The following STPG1 variants were observed in gnomAD, a reference collection of about 807,000 sequenced individuals.
STPG1 encodes O(6)-methylguanine-induced apoptosis 2.
Under a neutral mutation model 40.1 loss-of-function variants are expected in STPG1, and 33 were observed. The ratio of observed to expected loss-of-function variants is 0.82; its 90% CI spans 0.62 to 1.10. The LOEUF (loss-of-function observed/expected upper bound fraction) is 1.10. STPG1 is among the 50% of genes least tolerant of loss of function. The probability of loss-of-function intolerance (pLI) is 0.00; values close to 1 mark genes in which losing one functional copy is unlikely to be tolerated. For synonymous variants in STPG1, 150 were observed against 155.0 expected, an observed-to-expected ratio of 0.97 and a Z score of 0.24; for missense variants, 396 against 415.1, an observed-to-expected ratio of 0.95 and a Z score of 0.40.
intron 1 of STPG1, among the ~76,000 whole-genome samples, chr1:24,403,960 G>C (rs1643321852): frequency 6.6e-6 from 1 of 152,006 alleles, no homozygotes; most frequent in Non-Finnish European, 1.5e-5. Flanking sequence ...ATACTGCAAT[G>C]ACTAGGGCAT....
intron 7 of STPG1, among the ~76,000 whole-genome samples, chr1:24,368,186 C>G (rs1028980729): frequency 2.0e-5 from 3 of 152,240 alleles, no homozygotes; most frequent in African/African-American, 7.2e-5. Flanking sequence ...AGGGACTCCT[C>G]TGGTGGATTC....
At chr1:24,379,615 T>A (rs752070224) in intron 5 of STPG1, 38 bp downstream of exon 5, 4 of 1,600,460 alleles carry the variant, frequency 2.5e-6, no homozygotes, top group Non-Finnish European at 3.4e-6. Context: ...AAACCATTAA[T>A]TCGATCTGTA....
chr1:24,403,357 C>T (rs952447307), intron 1 of STPG1, among the ~76,000 whole-genome samples: 1 of 152,166 alleles, frequency 6.6e-6, no homozygotes, highest in Admixed American at 6.5e-5. Flanking sequence ...ATACCAACAG[C>T]TCACTATCTT....
chr1:24,365,117 C>T (rs1424185063), intron 7 of STPG1, among the ~76,000 whole-genome samples: 1 of 152,310 alleles, frequency 6.6e-6, no homozygotes, highest in South Asian at 2.1e-4. Context: ...CAGATTACAG[C>T]TGCTTGGGAA....
chr1:24,379,798 G>C lies in STPG1; in HGVS notation c.317C>G (p.Ser106Cys), dbSNP rs771292787. Residue 106 changes from serine to cysteine, a missense_variant, in exon 5 of 9, where the codon TCT becomes TGT. By Grantham distance (112) the Ser-to-Cys change is moderately radical. Coordinates refer to ENST00000337248, the MANE Select transcript of STPG1 (RefSeq NM_001199013.2). ...GTATGCATTCGCTGCAGGGTATTTA[G>C]AAATGATGGTGTCCAATCGGGCGCA... ...SMCARLDTII[S>C]KYPAANAYTI... 3 of 1,614,092 alleles carry C rather than the reference G, an allele frequency of 1.9e-6. No individual in the cohort carries two copies. Among genetic ancestry groups the C allele is most frequent in the South Asian group, 2.2e-5 (2 of 91,078 alleles).
intron 1 of STPG1, among the ~76,000 whole-genome samples, chr1:24,406,051 A>C (rs1643403467): frequency 6.6e-6 from 1 of 152,100 alleles, no homozygotes; most frequent in South Asian, 2.1e-4. Context: ...TGGAGTGTTT[A>C]GAACTTTTAC....
intron 3 of STPG1, among the ~76,000 whole-genome samples, chr1:24,386,522 C>A (rs528274419): frequency 6.6e-6 from 1 of 152,230 alleles, no homozygotes; most frequent in Non-Finnish European, 1.5e-5. Flanking sequence ...GTCACAAAAA[C>A]GGGCAGATGC....
intron 2 of STPG1, among the ~76,000 whole-genome samples, chr1:24,398,597 T>C (rs1174802836): frequency 6.6e-6 from 1 of 152,002 alleles, no homozygotes; most frequent in East Asian, 1.9e-4. Context: ...TATGGGGAAA[T>C]TGCAAAATAA....
rs1382389724 is a variant in STPG1, at chr1:24,384,004, C to T, written c.190-1G>A. The T allele has an allele frequency of 1.6e-5, 26 of 1,595,774 alleles. No individual in the cohort carries two copies. Among genetic ancestry groups the T allele is most frequent in the Non-Finnish European group, 2.1e-5 (25 of 1,163,456 alleles). On this transcript the variant is annotated splice_acceptor_variant, in intron 3 of 8. Transcript: ENST00000337248. LOFTEE classifies it high-confidence loss of function. ...AGAACCCAGGTCCTGGGATATCATT[C>T]TGAAAGGGAAGAGAAGGTGGTGTCA...
At chr1:24,366,253 C>T (rs1411053716) in intron 7 of STPG1, among the ~76,000 whole-genome samples, 3 of 152,134 alleles carry the variant, frequency 2.0e-5, no homozygotes, top group Admixed American at 6.5e-5. Context: ...TCCACGTAGC[C>T]GTGGAGAGCT....
chr1:24,379,914 T>G (rs1194101899), intron 4 of STPG1, 91 bp from the exon 5 acceptor site: 2 of 1,310,172 alleles, frequency 1.5e-6, no homozygotes, highest in Non-Finnish European at 2.1e-6. Flanking sequence ...CAGCACAAGG[T>G]CTAAATGCAT....
intron 1 of STPG1, chr1:24,411,902 G>A (rs1247444187): frequency 6.6e-6 from 1 of 152,172 alleles, no homozygotes; most frequent in East Asian, 1.9e-4. Flanking sequence ...TTCACTGTTG[G>A]ACAGTTCTAA....
intron 6 of STPG1, among the ~76,000 whole-genome samples, chr1:24,371,718 G>A (rs1301316719): frequency 6.6e-6 from 1 of 152,018 alleles, no homozygotes; most frequent in Non-Finnish European, 1.5e-5. Flanking sequence ...CTACTAAAAA[G>A]GTTATAGCAA....
chr1:24,361,872 G>A (rs1641141902), intron 7 of STPG1, among the ~76,000 whole-genome samples: 1 of 152,144 alleles, frequency 6.6e-6, no homozygotes, highest in Non-Finnish European at 1.5e-5. Context: ...TGGACAAGAT[G>A]ACCTCTGAGG....
chr1:24,390,567 C>T (rs975281572), intron 3 of STPG1, among the ~76,000 whole-genome samples: 15 of 151,972 alleles, frequency 9.9e-5, no homozygotes, highest in Admixed American at 3.9e-4. Flanking sequence ...TACAGGTGTG[C>T]GCCACCACTC....
intron 4 of STPG1, among the ~76,000 whole-genome samples, chr1:24,380,648 C>T (rs1642240907): frequency 6.6e-6 from 1 of 152,256 alleles, no homozygotes; most frequent in Admixed American, 6.5e-5. Context: ...GCATTAGGGC[C>T]CCCCTACTTC....
rs916215274 is a variant in STPG1 at position 24,375,481 on chromosome 1, G to A, written c.463-1671C>T. On this transcript the variant is annotated intron_variant, in intron 5 of 8. Transcript: ENST00000337248. ...TTTCCCAGGGCCCTAATGGCTAGAC[G>A]GCATGCAGAGAGGGCAAACAAAGAG... Among the ~76,000 whole-genome samples the A allele has an allele frequency of 3.9e-5, 6 of 152,116 alleles. No homozygotes were observed. In the East Asian group the frequency reaches 5.8e-4, roughly 15 times the overall value.
chr1:24,360,192 C>A (rs368003141), intron 8 of STPG1, among the ~76,000 whole-genome samples: 1 of 152,220 alleles, frequency 6.6e-6, no homozygotes, highest in Non-Finnish European at 1.5e-5. Flanking sequence ...CGCCTGTAAT[C>A]CCAGCACTCT....
At chr1:24,361,548 GC>G (rs551932583) in intron 7 of STPG1, among the ~76,000 whole-genome samples, 2,594 of 152,182 alleles carry the variant, frequency 0.017, 17 homozygotes, top group Non-Finnish European at 0.026. Flanking sequence ...CCACAGATTT[GC>G]CATCCCAAGA....
Sources: gnomAD v4.1 joint callset for allele counts (sites outside exome capture counted in the v4.1 genomes callset) on GRCh38, gnomAD v4.1.1 for gene constraint, MANE v1.5 for transcripts, NCBI Gene and HGNC (gene_info 2026-07-23, HGNC 2026-07-21) for gene names.